Variants in HECTD4 observed in about 807,000 individuals in gnomAD.
The protein encoded by HECTD4 is probable E3 ubiquitin-protein ligase HECTD4.
HECTD4 carries 114 observed loss-of-function variants against 471.5 expected under a neutral mutation model. That is an observed-to-expected ratio of 0.24 (90% CI 0.21 to 0.28). The LOEUF (loss-of-function observed/expected upper bound fraction) is 0.28, where lower values mean the gene tolerates loss of function less well. Among genes scored for constraint, HECTD4 ranks in the 10% least tolerant of loss-of-function variants. HECTD4 has a pLI of 1.00. For missense variants in HECTD4, 3,866 were observed against 5,651.5 expected (o/e 0.68, Z 10.13); for synonymous variants, 2,012 against 2,256.0 (o/e 0.89, Z 3.07).
intron 41 of HECTD4, 93 bp downstream of exon 41, chr12:112,229,605 T>C (rs1593954504): frequency 7.8e-7 from 1 of 1,277,050 alleles, no homozygotes; most frequent in South Asian, 1.4e-5. Flanking sequence ...GTACAGCTGG[T>C]TGGATAATAC....
intron 1 of HECTD4, among the ~76,000 whole-genome samples, chr12:112,345,528 C>G (rs2036132877): frequency 6.6e-6 from 1 of 152,046 alleles, no homozygotes; most frequent in Non-Finnish European, 1.5e-5. Context: ...TGTTACAGAG[C>G]CTGGAAGTAA....
chr12:112,183,343 C>T (rs1194634769), intron 61 of HECTD4, 77 bp from the exon 62 acceptor site: 1 of 1,138,848 alleles, frequency 8.8e-7, no homozygotes, highest in African/African-American at 1.5e-5. Flanking sequence ...CTCCCTCCCA[C>T]CTTTTCCTGG....
chr12:112,186,399 G>A (rs1201083912), intron 60 of HECTD4, among the ~76,000 whole-genome samples: 4 of 146,508 alleles, frequency 2.7e-5, no homozygotes, highest in Non-Finnish European at 6.0e-5. Flanking sequence ...GTGCAGTGGC[G>A]TGATCTCAGC....
In HECTD4 at chr12:112,243,118, C is replaced by T. The variant is rs1049663529; in HGVS notation, c.4958+235G>A. The stretch of plus-strand genomic sequence containing the variant: ...ACAGCTGCTTATGCATGTATGGTTG[C>T]TGTAATGAGCTCTTAATGGACAGAG... On this transcript the variant is annotated intron_variant, in intron 32 of 75. Coordinates refer to ENST00000682272, the MANE Select transcript of HECTD4 (RefSeq NM_001388303.1). This position sits in a 1 kb window ranked among gnomAD's most constrained non-coding sequence, Gnocchi z 6.6. 2.6e-5 allele frequency among the ~76,000 whole-genome samples: 4 copies of T among 152,102 alleles called. No individual in the cohort carries two copies. The highest frequency in any genetic ancestry group is 9.7e-5 in the African/African-American group (4 of 41,404).
chr12:112,260,215 T>G (rs1055657230), intron 18 of HECTD4, among the ~76,000 whole-genome samples: 3 of 152,222 alleles, frequency 2.0e-5, no homozygotes, highest in African/African-American at 7.2e-5. Context: ...AATTTATCTT[T>G]AAAATCACAT....
At position 112,204,709 on chromosome 12, in the gene HECTD4, T is replaced by C; in HGVS notation, c.8132-86A>G. On this transcript the variant is annotated intron_variant, in intron 52 of 75. Coordinates refer to ENST00000682272, the MANE Select transcript of HECTD4 (RefSeq NM_001388303.1). The stretch of plus-strand genomic sequence containing the variant: ...CTGACTTACATGTAGAGTGAAATGA[T>C]AAGGGAATCTTTCAAACATTGTTTA... 4 of 1,039,316 alleles carry C rather than the reference T, an allele frequency of 3.8e-6. No homozygotes were observed. The South Asian group carries it at 6.3e-5, about 16-fold the overall frequency. 64.4% of individuals were successfully genotyped at this position (1,039,316 alleles called of 1,614,324 possible). A position where few individuals can be genotyped will look rare whatever the true frequency, so the allele number is the denominator to read the frequency against.
rs2035059548 is a variant in HECTD4 at position 112,297,282 on chromosome 12, AATGTAGGTGCAGAGG to A, written c.1335+8767_1335+8781del. Among the ~76,000 whole-genome samples the A allele has an allele frequency of 3.3e-5, 3 of 91,904 alleles. No individual in the cohort carries two copies. In the South Asian group the frequency reaches 1.2e-3, roughly 37 times the overall value. The allele number at this position is 91,904 out of a possible 152,430, so 60.3% of individuals were successfully genotyped here. A position where few individuals can be genotyped will look rare whatever the true frequency, so the allele number is the denominator to read the frequency against. On this transcript the variant is annotated intron_variant, in intron 7 of 75. Transcript: ENST00000682272. Reference sequence around the variant, plus strand: ...AAGTGCAGAAGGTGTAGGTGCAGTGAATGTAGGTGCAGAGGGTGTAGGTGCAGTGGATGTAGGTGC... The same window carrying A: ...AAGTGCAGAAGGTGTAGGTGCAGTGAGTGTAGGTGCAGTGGATGTAGGTGC...
chr12:112,376,322 C>T (rs183707814), intron 1 of HECTD4, among the ~76,000 whole-genome samples: 294 of 152,238 alleles, frequency 1.9e-3, no homozygotes, highest in African/African-American at 6.0e-3. Context: ...TCTCGGCTCA[C>T]TGCAAGCTCC....
intron 7 of HECTD4, among the ~76,000 whole-genome samples, chr12:112,296,865 G>A (rs905886987): frequency 3.3e-5 from 5 of 150,718 alleles, no homozygotes; most frequent in Non-Finnish European, 7.4e-5. Flanking sequence ...TGCAGATGGT[G>A]TAGGTGCAGA....
chr12:112,249,950 G>T, intron 25 of HECTD4, 194 bp downstream of exon 25: 1 of 584,868 alleles, frequency 1.7e-6, no homozygotes, highest in Non-Finnish European at 3.0e-6. Flanking sequence ...CTGCTGACTG[G>T]TGGGCCAAAT....
intron 1 of HECTD4, among the ~76,000 whole-genome samples, chr12:112,344,532 T>C (rs925530049): frequency 1.3e-5 from 2 of 152,192 alleles, no homozygotes; most frequent in Non-Finnish European, 2.9e-5. Flanking sequence ...CACATAAGTA[T>C]GAATACAGAA....
At chr12:112,220,357 C>T (rs766230814) in intron 44 of HECTD4, among the ~76,000 whole-genome samples, 1 of 152,032 alleles carries the variant, frequency 6.6e-6, no homozygotes, top group Non-Finnish European at 1.5e-5. Flanking sequence ...ACGCAGACCA[C>T]ACACAGGCAC....
chr12:112,257,274 T>C (rs1423642946), intron 20 of HECTD4, among the ~76,000 whole-genome samples: 1 of 152,236 alleles, frequency 6.6e-6, no homozygotes, highest in Non-Finnish European at 1.5e-5. Flanking sequence ...TCAGTCACAT[T>C]AGCTATATTG....
At chr12:112,350,989 G>A (rs1440181056) in intron 1 of HECTD4, among the ~76,000 whole-genome samples, 1 of 152,206 alleles carries the variant, frequency 6.6e-6, no homozygotes, top group East Asian at 1.9e-4. Context: ...ATCTACTGGA[G>A]TGTGAATGGC....
intron 20 of HECTD4, among the ~76,000 whole-genome samples, chr12:112,258,061 C>T (rs560516765): frequency 1.4e-4 from 21 of 152,108 alleles, no homozygotes; most frequent in African/African-American, 4.8e-4. Context: ...TGGTGGCGTA[C>T]GCCTGTAATC....
chr12:112,163,856 G>A lies in HECTD4; in HGVS notation c.12702-119C>T, dbSNP rs547440179. 7.8e-5 allele frequency: 78 copies of A among 994,406 alleles called. No homozygotes were observed. The highest frequency in any genetic ancestry group is 1.0e-4 in the Non-Finnish European group (72 of 721,472). The allele number at this position is 994,406 out of a possible 1,614,324, so 61.6% of individuals were successfully genotyped here. ...CTTGGGAGAGGCCTGGGGCCCAGCCGCCCTGGTCATCCCAGTCCTTTCCTG... is the reference window on the plus strand; with the variant it reads ...CTTGGGAGAGGCCTGGGGCCCAGCCACCCTGGTCATCCCAGTCCTTTCCTG... On this transcript the variant is annotated intron_variant, in intron 73 of 75. Transcript: ENST00000682272. The surrounding 1 kb of genome is among the most constrained non-coding windows in gnomAD (Gnocchi z 8.2).
At chr12:112,288,432 G>C (rs868196425) in intron 7 of HECTD4, among the ~76,000 whole-genome samples, 1 of 151,934 alleles carries the variant, frequency 6.6e-6, no homozygotes, top group East Asian at 1.9e-4. Flanking sequence ...GATCAGCCTG[G>C]GCAACATGGC....
chr12:112,186,586 G>A (rs762996015), intron 60 of HECTD4, among the ~76,000 whole-genome samples: 1 of 150,836 alleles, frequency 6.6e-6, no homozygotes, highest in Non-Finnish European at 1.5e-5. Context: ...TGATCCACCC[G>A]CCTCAGTCTC....
chr12:112,349,017 G>A (rs1353029467), intron 1 of HECTD4, among the ~76,000 whole-genome samples: 1 of 152,010 alleles, frequency 6.6e-6, no homozygotes, highest in Non-Finnish European at 1.5e-5. Context: ...TGATATCCTG[G>A]TAAAATACTT....
Sources: allele counts gnomAD v4.1 joint callset (sites outside exome capture counted in the v4.1 genomes callset), GRCh38; gene constraint gnomAD v4.1.1; non-coding constraint Gnocchi (gnomAD v3.1); transcripts MANE v1.5; gene names NCBI Gene and HGNC (gene_info 2026-07-23, HGNC 2026-07-21).